Variants in SHISA9 observed in about 807,000 individuals in gnomAD.
The protein encoded by SHISA9 is protein shisa-9.
A neutral mutation model predicts 38.0 loss-of-function variants in SHISA9; 13 were observed. That is an observed-to-expected ratio of 0.34 (90% CI 0.22 to 0.54). SHISA9 has a LOEUF of 0.54. Among genes scored for constraint, SHISA9 ranks in the 20% least tolerant of loss-of-function variants. The pLI is 0.91. For synonymous variants in SHISA9, 275 were observed against 242.0 expected, an observed-to-expected ratio of 1.14 and a Z score of -1.27; for missense variants, 538 against 575.8, an observed-to-expected ratio of 0.93 and a Z score of 0.67.
chr16:13,284,411 A>G, the SHISA9 span, among the ~76,000 whole-genome samples: 2 of 152,138 alleles, frequency 1.3e-5, no homozygotes, highest in African/African-American at 4.8e-5. Flanking sequence ...TAGTATCTTG[A>G]ATTCAGATAG....
At chr16:13,131,815 C>A (rs993658391) in intron 2 of SHISA9, among the ~76,000 whole-genome samples, 7 of 152,090 alleles carry the variant, frequency 4.6e-5, no homozygotes, top group Non-Finnish European at 7.4e-5. Flanking sequence ...GGACAGAGTT[C>A]TGGTCCTGAA....
chr16:13,058,190 TTGAG>T (rs1416097927), intron 2 of SHISA9, among the ~76,000 whole-genome samples: 1 of 152,272 alleles, frequency 6.6e-6, no homozygotes. Flanking sequence ...TTTCCAGTGA[TTGAG>T]TGAATAACAA....
chr16:13,399,269 A>G, the SHISA9 span, among the ~76,000 whole-genome samples: 1 of 151,924 alleles, frequency 6.6e-6, no homozygotes, highest in Non-Finnish European at 1.5e-5. Flanking sequence ...AAAAAAAAAG[A>G]AGCTAGAAAG....
chr16:13,121,559 C>A (rs1195497831), intron 2 of SHISA9, among the ~76,000 whole-genome samples: 2 of 152,038 alleles, frequency 1.3e-5, no homozygotes, highest in Non-Finnish European at 2.9e-5. Context: ...ACTTTTTTAA[C>A]TGAAAATATA....
intron 2 of SHISA9, among the ~76,000 whole-genome samples, chr16:13,086,558 C>G (rs73518777): frequency 6.6e-6 from 1 of 151,994 alleles, no homozygotes; most frequent in Non-Finnish European, 1.5e-5. Context: ...AGATAAGAAA[C>G]ATGCTTCAGT....
chr16:13,311,600 T>G, the SHISA9 span, among the ~76,000 whole-genome samples: 3 of 152,164 alleles, frequency 2.0e-5, no homozygotes, highest in South Asian at 2.1e-4. Flanking sequence ...CTTTGTGGAT[T>G]AAGGCAGCAA....
At chr16:12,997,043 T>C (rs1166495203) in intron 2 of SHISA9, among the ~76,000 whole-genome samples, 1 of 152,144 alleles carries the variant, frequency 6.6e-6, no homozygotes, top group East Asian at 1.9e-4. Flanking sequence ...CAATAAGTTT[T>C]GAAACATGCA....
At chr16:12,976,979 T>C (rs2072171417) in intron 2 of SHISA9, among the ~76,000 whole-genome samples, 1 of 152,132 alleles carries the variant, frequency 6.6e-6, no homozygotes, top group Non-Finnish European at 1.5e-5. Context: ...AGGAGAACAT[T>C]GTAAGCTTGA....
At chr16:13,303,686 A>C in the SHISA9 span, among the ~76,000 whole-genome samples, 1 of 152,254 alleles carries the variant, frequency 6.6e-6, no homozygotes, top group Non-Finnish European at 1.5e-5. Context: ...GTGGCTGTAC[A>C]GCATTGTAAA....
At chr16:13,253,373 CCAAAGGTA>C in the SHISA9 span, among the ~76,000 whole-genome samples, 2 of 152,070 alleles carry the variant, frequency 1.3e-5, no homozygotes, top group Admixed American at 1.3e-4. Context: ...GAACACCTGT[CCAAAGGTA>C]CAAGGGAGAT....
At chr16:13,284,056 T>C in the SHISA9 span, among the ~76,000 whole-genome samples, 2 of 152,184 alleles carry the variant, frequency 1.3e-5, no homozygotes, top group East Asian at 3.9e-4. Context: ...TAAACATTAC[T>C]CATGAATTCA....
intron 2 of SHISA9, among the ~76,000 whole-genome samples, chr16:13,142,080 T>C (rs1038903759): frequency 6.6e-6 from 1 of 152,208 alleles, no homozygotes; most frequent in Non-Finnish European, 1.5e-5. Context: ...AACATTACAG[T>C]GTCCCCATTC....
At chr16:13,020,207 G>T (rs1435612165) in intron 2 of SHISA9, among the ~76,000 whole-genome samples, 1 of 151,338 alleles carries the variant, frequency 6.6e-6, no homozygotes, top group Non-Finnish European at 1.5e-5. Context: ...TGTATTTTTA[G>T]TGGAGACAGG....
the SHISA9 span, among the ~76,000 whole-genome samples, chr16:13,328,611 C>CACAA: frequency 1.4e-5 from 2 of 143,764 alleles, no homozygotes; most frequent in African/African-American, 5.4e-5. Flanking sequence ...CACACACACA[C>CACAA]ACACACACAC....
intron 2 of SHISA9, among the ~76,000 whole-genome samples, chr16:13,128,139 C>T (rs1035868383): frequency 6.6e-5 from 10 of 152,022 alleles, no homozygotes; most frequent in African/African-American, 2.4e-4. Context: ...GTGACAGAGT[C>T]ACTTGGGGAC....
intron 2 of SHISA9, among the ~76,000 whole-genome samples, chr16:13,182,517 C>T (rs571807192): frequency 6.6e-6 from 1 of 152,162 alleles, no homozygotes; most frequent in Non-Finnish European, 1.5e-5. Context: ...TCTATTTTTC[C>T]TCTGATGGCC....
chr16:13,542,246 A>G, the SHISA9 span, among the ~76,000 whole-genome samples: 3 of 152,134 alleles, frequency 2.0e-5, no homozygotes, highest in African/African-American at 7.2e-5. Context: ...GAGATAATGT[A>G]TATCTATTGT....
chr16:13,552,013 C>G, the SHISA9 span, among the ~76,000 whole-genome samples: 3 of 151,772 alleles, frequency 2.0e-5, no homozygotes, highest in Non-Finnish European at 4.4e-5. Flanking sequence ...GGTAACAGAA[C>G]GAGACTCCAT....
chr16:13,141,946 T>C (rs1030395896), intron 2 of SHISA9, among the ~76,000 whole-genome samples: 8 of 152,224 alleles, frequency 5.3e-5, no homozygotes, highest in East Asian at 1.9e-4. Flanking sequence ...AGAGTTCACA[T>C]TGACAACCCT....
Sources: allele counts gnomAD v4.1 joint callset (sites outside exome capture counted in the v4.1 genomes callset), GRCh38; gene constraint gnomAD v4.1.1; transcripts MANE v1.5; gene names NCBI Gene and HGNC (gene_info 2026-07-23, HGNC 2026-07-21).